LRP1B: variants seen among roughly 807,000 people sequenced by gnomAD.
The protein encoded by LRP1B is low-density lipoprotein receptor-related protein 1B.
Under a neutral mutation model 556.6 loss-of-function variants are expected in LRP1B, and 217 were observed. That is an observed-to-expected ratio of 0.39 (90% CI 0.35 to 0.44). The LOEUF is 0.44. LRP1B is among the 20% of genes least tolerant of loss of function. The pLI, the probability that LRP1B is intolerant of heterozygous loss-of-function variation, is 1.00. For missense variants in LRP1B, 5,053 were observed against 5,620.8 expected (o/e 0.90, Z 3.23); for synonymous variants, 2,047 against 1,865.8 (o/e 1.10, Z -2.50).
At chr2:140,801,842 G>C (rs1331951597) in intron 32 of LRP1B, among the ~76,000 whole-genome samples, 1 of 152,118 alleles carries the variant, frequency 6.6e-6, no homozygotes, top group South Asian at 2.1e-4. Flanking sequence ...ATTGGAGATA[G>C]AGAGAATGAG....
At chr2:141,100,550 A>C (rs2104937402) in intron 7 of LRP1B, among the ~76,000 whole-genome samples, 1 of 152,336 alleles carries the variant, frequency 6.6e-6, no homozygotes, top group East Asian at 1.9e-4. Context: ...CACTGGCAAG[A>C]ACAGGGAGTA....
chr2:141,283,085 A>G (rs888994363), intron 3 of LRP1B, among the ~76,000 whole-genome samples: 2 of 152,154 alleles, frequency 1.3e-5, no homozygotes, highest in Non-Finnish European at 2.9e-5. Context: ...TCAATTATTC[A>G]AGTTTATACA....
At chr2:140,858,495 A>G (rs910774800) in intron 27 of LRP1B, among the ~76,000 whole-genome samples, 2 of 109,664 alleles carry the variant, frequency 1.8e-5, no homozygotes, top group South Asian at 3.4e-4. Context: ...TATATTTTAT[A>G]TATATGGAGA....
At chr2:140,365,110 A>G (rs2105153204) in intron 71 of LRP1B, among the ~76,000 whole-genome samples, 1 of 151,758 alleles carries the variant, frequency 6.6e-6, no homozygotes, top group Non-Finnish European at 1.5e-5. Flanking sequence ...ACAGAAATTT[A>G]TATTTTTTAG....
intron 59 of LRP1B, among the ~76,000 whole-genome samples, chr2:140,483,888 G>A (rs972721529): frequency 5.3e-5 from 8 of 151,570 alleles, no homozygotes; most frequent in Admixed American, 3.3e-4. Context: ...TGATCCATCC[G>A]CCTCGGCGCC....
intron 89 of LRP1B, among the ~76,000 whole-genome samples, chr2:140,237,892 T>C (rs1478467231): frequency 1.3e-5 from 2 of 150,794 alleles, no homozygotes; most frequent in South Asian, 2.1e-4. Context: ...CATTTTTCAA[T>C]AAAAAACATA....
intron 32 of LRP1B, among the ~76,000 whole-genome samples, chr2:140,786,409 G>A (rs1689901932): frequency 6.6e-6 from 1 of 152,170 alleles, no homozygotes; most frequent in South Asian, 2.1e-4. Context: ...TTTTTACACT[G>A]TACCTACTGC....
chr2:140,335,235 T>C (rs1197103280), intron 78 of LRP1B, among the ~76,000 whole-genome samples: 1 of 151,856 alleles, frequency 6.6e-6, no homozygotes, highest in Non-Finnish European at 1.5e-5. Context: ...CATCTTTTAT[T>C]ACCATAGAGA....
chr2:140,303,019 A>T (rs530459666), intron 83 of LRP1B, among the ~76,000 whole-genome samples: 1 of 59,866 alleles, frequency 1.7e-5, no homozygotes, highest in Non-Finnish European at 3.7e-5. Context: ...CTTCATATAT[A>T]TATATATATA....
At chr2:140,398,226 T>G (rs1056108528) in intron 66 of LRP1B, among the ~76,000 whole-genome samples, 3 of 152,056 alleles carry the variant, frequency 2.0e-5, no homozygotes, top group Non-Finnish European at 2.9e-5. Flanking sequence ...TAGAGAAAAT[T>G]TTATCTAAAT....
chr2:140,551,498 G>A (rs1433620558), intron 43 of LRP1B, among the ~76,000 whole-genome samples: 1 of 152,128 alleles, frequency 6.6e-6, no homozygotes, highest in Non-Finnish European at 1.5e-5. Flanking sequence ...TGATGAGAAA[G>A]GCAGGAAGGG....
At chr2:141,684,419 C>T (rs1220042018) in intron 2 of LRP1B, among the ~76,000 whole-genome samples, 5 of 151,880 alleles carry the variant, frequency 3.3e-5, no homozygotes, top group Admixed American at 6.6e-5. Context: ...CACATAGACA[C>T]AGGGATGGGG....
chr2:140,257,977 C>T (rs568422461), intron 86 of LRP1B, among the ~76,000 whole-genome samples: 3 of 152,234 alleles, frequency 2.0e-5, no homozygotes, highest in African/African-American at 7.2e-5. Flanking sequence ...CAGCCAGCCT[C>T]CTTTCTACAA....
chr2:141,938,079 C>G (rs986785067), intron 1 of LRP1B, among the ~76,000 whole-genome samples: 2 of 151,778 alleles, frequency 1.3e-5, no homozygotes, highest in African/African-American at 4.8e-5. Context: ...AGTACCATAC[C>G]CTTTTGATTA....
intron 35 of LRP1B, among the ~76,000 whole-genome samples, chr2:140,766,841 ATATTAT>A (rs1335419054): frequency 3.2e-4 from 5 of 15,862 alleles, no homozygotes; most frequent in Non-Finnish European, 9.1e-4. Context: ...ATATATATAT[ATATTAT>A]ATATATATAT....
intron 7 of LRP1B, among the ~76,000 whole-genome samples, chr2:141,085,260 T>A (rs571326428): frequency 1.2e-4 from 18 of 152,340 alleles, no homozygotes; most frequent in African/African-American, 2.6e-4. Context: ...ACCTCATGTG[T>A]CTGCTAAAGA....
At chr2:140,810,952 G>T (rs1481563145) in intron 32 of LRP1B, among the ~76,000 whole-genome samples, 1 of 152,098 alleles carries the variant, frequency 6.6e-6, no homozygotes, top group Non-Finnish European at 1.5e-5. Flanking sequence ...GACCACGCTG[G>T]TCTTGAACTC....
chr2:142,038,976 GTTC>G (rs1703976171), intron 1 of LRP1B, among the ~76,000 whole-genome samples: 1 of 151,406 alleles, frequency 6.6e-6, no homozygotes, highest in African/African-American at 2.4e-5. Context: ...TTGAGCTCAT[GTTC>G]TTCTTGCTCA....
chr2:140,321,072 A>AAATT (rs1452703529), intron 82 of LRP1B, among the ~76,000 whole-genome samples: 1 of 152,082 alleles, frequency 6.6e-6, no homozygotes, highest in East Asian at 1.9e-4. Flanking sequence ...TGAATGAATA[A>AAATT]AATTAAAATA....
Sources: allele counts gnomAD v4.1 joint callset (sites outside exome capture counted in the v4.1 genomes callset), GRCh38; gene constraint gnomAD v4.1.1; transcripts MANE v1.5; gene names NCBI Gene and HGNC (gene_info 2026-07-23, HGNC 2026-07-21).